TACR1: variants seen among roughly 807,000 people sequenced by gnomAD.
The protein encoded by TACR1 is tachykinin receptor 1.
TACR1 carries 25 observed loss-of-function variants against 35.8 expected under a neutral mutation model. That is an observed-to-expected ratio of 0.70 (90% CI 0.51 to 0.98). The LOEUF (loss-of-function observed/expected upper bound fraction) is 0.98. Ranked by LOEUF, TACR1 falls within the 50% of genes least tolerant of loss-of-function variation. The pLI is 0.00. For missense variants in TACR1, 478 were observed against 522.9 expected (o/e 0.91, Z 0.84); for synonymous variants, 195 against 206.7 (o/e 0.94, Z 0.48).
intron 1 of TACR1, among the ~76,000 whole-genome samples, chr2:75,143,510 AG>A (rs1314196102): frequency 6.6e-6 from 1 of 152,204 alleles, no homozygotes; most frequent in Non-Finnish European, 1.5e-5. Flanking sequence ...TACTGTGTGT[AG>A]GCATTGTCTG....
chr2:75,085,523 A>G (rs921227515), intron 2 of TACR1, among the ~76,000 whole-genome samples: 2 of 152,224 alleles, frequency 1.3e-5, no homozygotes, highest in African/African-American at 4.8e-5. Flanking sequence ...TTTATTACTT[A>G]TACTTCAGAA....
intron 1 of TACR1, among the ~76,000 whole-genome samples, chr2:75,122,350 TG>T (rs1440052198): frequency 6.6e-6 from 1 of 152,216 alleles, no homozygotes; most frequent in Non-Finnish European, 1.5e-5. Flanking sequence ...AGGCTTTGTT[TG>T]CATGAAGGCT....
intron 1 of TACR1, chr2:75,188,105 A>T (rs1558586926): frequency 2.0e-5 from 3 of 152,158 alleles, no homozygotes; most frequent in African/African-American, 7.2e-5. Flanking sequence ...TCGTATTTCA[A>T]GCTCAGGGCT....
At chr2:75,179,474 G>C (rs1319701169) in intron 1 of TACR1, among the ~76,000 whole-genome samples, 1 of 152,160 alleles carries the variant, frequency 6.6e-6, no homozygotes, top group Non-Finnish European at 1.5e-5. Context: ...ATAAGATCAT[G>C]TCCCTTCCCT....
At chr2:75,123,556 T>G (rs1487458951) in intron 1 of TACR1, among the ~76,000 whole-genome samples, 1 of 152,180 alleles carries the variant, frequency 6.6e-6, no homozygotes, top group Admixed American at 6.5e-5. Context: ...CTACCGTTCT[T>G]TAGTGTAGGA....
chr2:75,062,491 T>C (rs540961644), intron 2 of TACR1, among the ~76,000 whole-genome samples: 2 of 152,320 alleles, frequency 1.3e-5, no homozygotes, highest in African/African-American at 4.8e-5. Flanking sequence ...TATAACAAAA[T>C]TTTTAATAGC....
chr2:75,097,907 C>T (rs1028043038), intron 2 of TACR1, among the ~76,000 whole-genome samples: 4 of 152,118 alleles, frequency 2.6e-5, no homozygotes, highest in Non-Finnish European at 5.9e-5. Context: ...GAAAAACATC[C>T]CCAGTTTGTA....
At chr2:75,182,334 G>A (rs540182091) in intron 1 of TACR1, among the ~76,000 whole-genome samples, 1 of 152,234 alleles carries the variant, frequency 6.6e-6, no homozygotes, top group Admixed American at 6.5e-5. Flanking sequence ...TCACTAGTAG[G>A]GGACTGCAAA....
At chr2:75,109,733 A>G (rs576607289) in intron 2 of TACR1, among the ~76,000 whole-genome samples, 1 of 152,242 alleles carries the variant, frequency 6.6e-6, no homozygotes, top group Non-Finnish European at 1.5e-5. Flanking sequence ...ACAGGATTAC[A>G]ACATTAAAAA....
chr2:75,150,682 C>T (rs1674650216), intron 1 of TACR1, among the ~76,000 whole-genome samples: 1 of 152,078 alleles, frequency 6.6e-6, no homozygotes, highest in Non-Finnish European at 1.5e-5. Context: ...TAAACTGGTA[C>T]CAGTAGAGTG....
At chr2:75,115,204 A>G (rs1673827244) in intron 2 of TACR1, among the ~76,000 whole-genome samples, 1 of 151,676 alleles carries the variant, frequency 6.6e-6, no homozygotes, top group Non-Finnish European at 1.5e-5. Context: ...TAAAATATAT[A>G]TATATGAATG....
At chr2:75,151,952 G>C (rs1377591875) in intron 1 of TACR1, among the ~76,000 whole-genome samples, 1 of 152,140 alleles carries the variant, frequency 6.6e-6, no homozygotes, top group African/African-American at 2.4e-5. Context: ...AAATTTGACT[G>C]CCCATTGGAT....
chr2:75,173,538 A>G (rs1239893174), intron 1 of TACR1, among the ~76,000 whole-genome samples: 1 of 152,182 alleles, frequency 6.6e-6, no homozygotes, highest in Non-Finnish European at 1.5e-5. Flanking sequence ...TGACAAATAA[A>G]TCTTGTTAGA....
chr2:75,105,938 T>C (rs1673635074), intron 2 of TACR1, among the ~76,000 whole-genome samples: 1 of 151,952 alleles, frequency 6.6e-6, no homozygotes, highest in South Asian at 2.1e-4. Flanking sequence ...ATGAATGTAA[T>C]GTGGCGTCCC....
intron 2 of TACR1, among the ~76,000 whole-genome samples, chr2:75,081,462 T>G (rs929465844): frequency 2.0e-5 from 3 of 152,208 alleles, no homozygotes; most frequent in Non-Finnish European, 2.9e-5. Context: ...TGTGTGAGCC[T>G]CTTCCATTGG....
chr2:75,069,373 G>A (rs11696011), intron 2 of TACR1, among the ~76,000 whole-genome samples: 37,246 of 151,282 alleles, frequency 0.25, 5,858 homozygotes, highest in African/African-American at 0.42. Context: ...TTTAAAAAAT[G>A]ACAATTTTAT....
chr2:75,071,870 A>G (rs1355109532), intron 2 of TACR1, among the ~76,000 whole-genome samples: 1 of 152,180 alleles, frequency 6.6e-6, no homozygotes, highest in African/African-American at 2.4e-5. Context: ...ACTGGAAGAG[A>G]GAACTGAGAA....
intron 1 of TACR1, among the ~76,000 whole-genome samples, chr2:75,184,321 G>A (rs904322396): frequency 1.3e-5 from 2 of 151,954 alleles, no homozygotes; most frequent in Admixed American, 6.5e-5. Flanking sequence ...TAAAATGTCT[G>A]TCTTAAGCCA....
At chr2:75,052,166 G>A (rs987559941) in intron 3 of TACR1, among the ~76,000 whole-genome samples, 5 of 152,148 alleles carry the variant, frequency 3.3e-5, no homozygotes, top group African/African-American at 1.2e-4. Flanking sequence ...ATTAGGAGGT[G>A]GCCTTTGGGA....
Sources: gnomAD v4.1 joint callset for allele counts (sites outside exome capture counted in the v4.1 genomes callset) on GRCh38, gnomAD v4.1.1 for gene constraint, MANE v1.5 for transcripts, NCBI Gene and HGNC (gene_info 2026-07-23, HGNC 2026-07-21) for gene names.